The following CADM2 variants were observed in gnomAD, a reference collection of about 807,000 sequenced individuals.
CADM2 encodes immunoglobulin superfamily member 4D.
Under a neutral mutation model 49.8 loss-of-function variants are expected in CADM2, and 12 were observed. That is an observed-to-expected ratio of 0.24 (90% CI 0.15 to 0.39). The LOEUF is 0.39. Among genes scored for constraint, CADM2 ranks in the 10% least tolerant of loss-of-function variants. The pLI, the probability that CADM2 is intolerant of heterozygous loss-of-function variation, is 1.00. For missense variants in CADM2, 378 were observed against 492.3 expected, an observed-to-expected ratio of 0.77 and a Z score of 2.20; for synonymous variants, 214 against 175.4, an observed-to-expected ratio of 1.22 and a Z score of -1.74.
At chr3:85,699,364 C>T (rs1424407454) in intron 1 of CADM2, among the ~76,000 whole-genome samples, 2 of 152,184 alleles carry the variant, frequency 1.3e-5, no homozygotes, top group Non-Finnish European at 2.9e-5. Flanking sequence ...GTGTGGGGCT[C>T]CAACCCCACA....
At chr3:85,099,763 C>A (rs1259218581) in intron 1 of CADM2, among the ~76,000 whole-genome samples, 1 of 151,602 alleles carries the variant, frequency 6.6e-6, no homozygotes, top group Non-Finnish European at 1.5e-5. Flanking sequence ...AGCCACCGCG[C>A]CTGGCCTCTT....
chr3:85,722,097 G>A (rs12714636), intron 1 of CADM2, among the ~76,000 whole-genome samples: 26,918 of 151,902 alleles, frequency 0.18, 2,982 homozygotes, highest in Non-Finnish European at 0.24. Context: ...CCTGACCTCC[G>A]CAGCTCTCAG....
Position 85,133,289 on chromosome 3 carries a change from T to A in CADM2, c.61+173621T>A, listed in dbSNP as rs150651570. ...CGGGCAGCGTGCTTTTATTCTCTTA[T>A]CTGGCCCCACTCACATCCTGCTGAT... On this transcript the variant is annotated intron_variant, in intron 1 of 9. Transcript: ENST00000383699. Among the ~76,000 whole-genome samples, 715 of 152,322 alleles carry A rather than the reference T, an allele frequency of 4.7e-3. 4 individuals carry two copies. The highest frequency in any genetic ancestry group is 0.017 in the African/African-American group (693 of 41,582).
intron 2 of CADM2, among the ~76,000 whole-genome samples, chr3:85,763,083 C>A (rs76819826): frequency 0.1 from 15,397 of 152,068 alleles, 885 homozygotes; most frequent in South Asian, 0.12. Flanking sequence ...ACAATGAGTT[C>A]CTTAAAGGAA....
chr3:85,456,794 A>G (rs9309981), intron 1 of CADM2, among the ~76,000 whole-genome samples: 37,393 of 151,352 alleles, frequency 0.25, 4,791 homozygotes, highest in South Asian at 0.34. Flanking sequence ...TGGATTCAAA[A>G]GTCTTAGATA....
intron 7 of CADM2, among the ~76,000 whole-genome samples, chr3:85,959,150 ATCTC>A (rs71128104): frequency 7.6e-5 from 11 of 145,372 alleles, no homozygotes; most frequent in Admixed American, 3.5e-4. Context: ...TTATCTATCT[ATCTC>A]TCTCTCTCTC....
At chr3:85,823,453 C>G (rs1183146230) in intron 3 of CADM2, among the ~76,000 whole-genome samples, 1 of 151,998 alleles carries the variant, frequency 6.6e-6, no homozygotes, top group African/African-American at 2.4e-5. Flanking sequence ...AACAAACAAA[C>G]AAAAACAAAC....
chr3:85,456,689 A>G (rs2107580078), intron 1 of CADM2, among the ~76,000 whole-genome samples: 2 of 152,220 alleles, frequency 1.3e-5, no homozygotes, highest in Admixed American at 1.3e-4. Context: ...ATTTCAGATG[A>G]CACCCTCTAT....
At chr3:86,058,164 G>C (rs1018132653) in intron 8 of CADM2, among the ~76,000 whole-genome samples, 1 of 152,108 alleles carries the variant, frequency 6.6e-6, no homozygotes, top group Non-Finnish European at 1.5e-5. Context: ...CTAATCTCAT[G>C]TTATGCAAAT....
chr3:85,589,969 A>G (rs1399175429), intron 1 of CADM2, among the ~76,000 whole-genome samples: 2 of 152,028 alleles, frequency 1.3e-5, no homozygotes, highest in South Asian at 2.1e-4. Flanking sequence ...ATGACTAGGT[A>G]TAAGCAAAAA....
At chr3:85,937,609 A>G (rs1721334629) in intron 7 of CADM2, among the ~76,000 whole-genome samples, 2 of 151,870 alleles carry the variant, frequency 1.3e-5, no homozygotes, top group Non-Finnish European at 2.9e-5. Flanking sequence ...GTTACTTTTG[A>G]AAAACTAGAA....
chr3:85,752,785 A>C (rs995136450), intron 2 of CADM2, among the ~76,000 whole-genome samples: 1 of 152,162 alleles, frequency 6.6e-6, no homozygotes, highest in Non-Finnish European at 1.5e-5. Context: ...GTTTCAACAC[A>C]TAAATAGAGT....
intron 1 of CADM2, among the ~76,000 whole-genome samples, chr3:85,550,978 G>GTTTGTTTA (rs1553740807): frequency 1.7e-5 from 2 of 115,276 alleles, no homozygotes; most frequent in African/African-American, 5.3e-5. Context: ...TTGTTTGTTT[G>GTTTGTTTA]TTTATTTATT....
chr3:85,661,372 T>C (rs1218308402), intron 1 of CADM2, among the ~76,000 whole-genome samples: 2 of 125,214 alleles, frequency 1.6e-5, no homozygotes, highest in Non-Finnish European at 3.4e-5. Context: ...AATGAGATCA[T>C]GTGGGACTTT....
rs1353256489 is a variant in CADM2 at position 85,642,149 on chromosome 3, G to A, written c.62-84373G>A. On this transcript the variant is annotated intron_variant, in intron 1 of 9. Transcript: ENST00000383699. Reference sequence around the variant, plus strand: ...TTTGCACTGCAGAGATGTGTGGAAAGTGTCTCCTCATACTTAGATAGACAG... The same window carrying A: ...TTTGCACTGCAGAGATGTGTGGAAAATGTCTCCTCATACTTAGATAGACAG... 2.6e-5 allele frequency among the ~76,000 whole-genome samples: 4 copies of A among 152,256 alleles called. No individual in the cohort carries two copies. In the South Asian group the frequency reaches 6.2e-4, roughly 24 times the overall value.
intron 3 of CADM2, among the ~76,000 whole-genome samples, chr3:85,863,820 A>G (rs1279316714): frequency 6.6e-6 from 1 of 152,228 alleles, no homozygotes; most frequent in Non-Finnish European, 1.5e-5. Flanking sequence ...TCTAAGCCAA[A>G]TAAAATCAGA....
At chr3:85,957,298 G>T (rs144661857) in intron 7 of CADM2, among the ~76,000 whole-genome samples, 13 of 151,314 alleles carry the variant, frequency 8.6e-5, no homozygotes, top group African/African-American at 3.2e-4. Flanking sequence ...CTAATTGAAC[G>T]ATACATATTA....
At chr3:85,591,433 G>T (rs2063105320) in intron 1 of CADM2, among the ~76,000 whole-genome samples, 1 of 151,904 alleles carries the variant, frequency 6.6e-6, no homozygotes, top group South Asian at 2.1e-4. Flanking sequence ...TTGGGTTTAT[G>T]GTGTGATATA....
chr3:85,458,069 T>C (rs1187512430), intron 1 of CADM2, among the ~76,000 whole-genome samples: 5 of 152,236 alleles, frequency 3.3e-5, no homozygotes, highest in Admixed American at 3.3e-4. Context: ...ACATCAACTA[T>C]TCCTTTGTTT....
Sources: allele counts gnomAD v4.1 joint callset (sites outside exome capture counted in the v4.1 genomes callset), GRCh38; gene constraint gnomAD v4.1.1; transcripts MANE v1.5; gene names NCBI Gene and HGNC (gene_info 2026-07-23, HGNC 2026-07-21).